Variants in TRPM3 observed in about 807,000 individuals in gnomAD.
TRPM3 encodes the protein long transient receptor potential channel 3.
Under a neutral mutation model 181.2 loss-of-function variants are expected in TRPM3, and 77 were observed. That is an observed-to-expected ratio of 0.42 (90% confidence interval 0.35 to 0.51). The LOEUF is 0.51. Among genes scored for constraint, TRPM3 ranks in the 20% least tolerant of loss-of-function variants. The probability of loss-of-function intolerance (pLI) is 0.01; values close to 1 mark genes in which losing one functional copy is unlikely to be tolerated. For synonymous variants in TRPM3, 745 were observed against 796.4 expected, an observed-to-expected ratio of 0.94 and a Z score of 1.09; for missense variants, 1,759 against 2,196.7, an observed-to-expected ratio of 0.80 and a Z score of 3.98.
chr9:71,036,806 G>A (rs889309434), intron 1 of TRPM3, among the ~76,000 whole-genome samples: 5 of 152,118 alleles, frequency 3.3e-5, no homozygotes, highest in African/African-American at 1.2e-4. Flanking sequence ...TGCACCTTTG[G>A]GATGTCAACT....
chr9:70,752,035 TGTGTGTGTGTGTGTGCGC>T (rs1338725459), intron 8 of TRPM3, among the ~76,000 whole-genome samples: 47 of 116,316 alleles, frequency 4.0e-4, no homozygotes, highest in African/African-American at 1.2e-3. Context: ...TGTGTGTGTG[TGTGTGTGTGTGTGTGCGC>T]GCGCGCGCGC....
chr9:71,416,779 C>A (rs1182955459), intron 1 of TRPM3, among the ~76,000 whole-genome samples: 3 of 151,906 alleles, frequency 2.0e-5, no homozygotes, highest in Non-Finnish European at 4.4e-5. Flanking sequence ...AAAACTACCA[C>A]CATAAGATAC....
chr9:70,775,335 G>T (rs1349489564), intron 7 of TRPM3: 1 of 152,220 alleles, frequency 6.6e-6, no homozygotes, highest in Non-Finnish European at 1.5e-5. Flanking sequence ...AATGGGTAAA[G>T]AAATGCATTT....
chr9:70,558,498 T>G (rs565848630), intron 22 of TRPM3, among the ~76,000 whole-genome samples: 1 of 152,262 alleles, frequency 6.6e-6, no homozygotes, highest in South Asian at 2.1e-4. Flanking sequence ...ATACCAAGGT[T>G]GAATTATTGC....
intron 1 of TRPM3, among the ~76,000 whole-genome samples, chr9:71,133,422 C>T (rs1327795005): frequency 6.6e-6 from 1 of 150,690 alleles, no homozygotes; most frequent in South Asian, 2.1e-4. Flanking sequence ...AGCCTCCCCT[C>T]CCGAGTAGCT....
At chr9:71,136,228 C>T (rs1309508689) in intron 1 of TRPM3, among the ~76,000 whole-genome samples, 1 of 152,196 alleles carries the variant, frequency 6.6e-6, no homozygotes, top group African/African-American at 2.4e-5. Context: ...CTTAGATAAG[C>T]TGAAAACATC....
At chr9:70,847,867 C>T (rs934151323) in intron 3 of TRPM3, among the ~76,000 whole-genome samples, 1 of 152,172 alleles carries the variant, frequency 6.6e-6, no homozygotes, top group Non-Finnish European at 1.5e-5. Context: ...TCTGGCTGGA[C>T]GATGGTTCCA....
intron 9 of TRPM3, among the ~76,000 whole-genome samples, chr9:70,674,870 T>C (rs1201121434): frequency 1.3e-5 from 2 of 151,602 alleles, no homozygotes; most frequent in African/African-American, 2.4e-5. Context: ...CCAGCATATA[T>C]ATGAAATTTT....
chr9:71,127,221 G>A lies in TRPM3; in HGVS notation c.184-262710C>T, dbSNP rs150342185. Reference sequence around the variant, plus strand: ...TGAGGGGAAACTCACTAATAATTTAGCTTCTTTTTAAACATTGTTTCCTAA... The same window carrying A: ...TGAGGGGAAACTCACTAATAATTTAACTTCTTTTTAAACATTGTTTCCTAA... On this transcript the variant is annotated intron_variant, in intron 1 of 24. Coordinates refer to the TRPM3 transcript ENST00000357533. 1.5e-3 allele frequency among the ~76,000 whole-genome samples: 228 copies of A among 150,638 alleles called. 1 individual carries two copies. The highest frequency in any genetic ancestry group is 2.8e-3 in the Non-Finnish European group (187 of 67,814).
At chr9:71,438,637 C>T (rs936186345) in intron 1 of TRPM3, among the ~76,000 whole-genome samples, 8 of 152,180 alleles carry the variant, frequency 5.3e-5, no homozygotes, top group Admixed American at 6.5e-5. Flanking sequence ...TGTGCCACTG[C>T]ACCCCAGCCT....
intron 1 of TRPM3, among the ~76,000 whole-genome samples, chr9:71,149,558 A>G (rs2075615413): frequency 6.6e-6 from 1 of 152,194 alleles, no homozygotes. Flanking sequence ...CTACCAAACT[A>G]TGCACAGGTA....
At chr9:70,794,572 G>A (rs941015709) in intron 6 of TRPM3, among the ~76,000 whole-genome samples, 2 of 152,126 alleles carry the variant, frequency 1.3e-5, no homozygotes, top group Non-Finnish European at 2.9e-5. Flanking sequence ...TCTCTCGGAG[G>A]AGGCTTTTCC....
At chr9:71,420,543 AAAAGAGAAAG>A (rs1410574199) in intron 1 of TRPM3, among the ~76,000 whole-genome samples, 56 of 151,338 alleles carry the variant, frequency 3.7e-4, no homozygotes, top group Middle Eastern at 3.4e-3. Flanking sequence ...GAAAGAAAGA[AAAAGAGAAAG>A]AAAGAGAAAG....
At chr9:71,247,052 T>C (rs1431498864) in intron 1 of TRPM3, among the ~76,000 whole-genome samples, 1 of 152,074 alleles carries the variant, frequency 6.6e-6, no homozygotes, top group Non-Finnish European at 1.5e-5. Flanking sequence ...ACAGTGGCAG[T>C]GGAGAGGGAT....
intron 1 of TRPM3, among the ~76,000 whole-genome samples, chr9:70,893,151 G>A (rs761255131): frequency 3.3e-5 from 5 of 152,076 alleles, no homozygotes; most frequent in Non-Finnish European, 4.4e-5. Flanking sequence ...CATTTTCTGC[G>A]ACACCAATAA....
intron 14 of TRPM3, among the ~76,000 whole-genome samples, chr9:70,621,808 A>G (rs2063680805): frequency 6.6e-6 from 1 of 152,240 alleles, no homozygotes; most frequent in Non-Finnish European, 1.5e-5. Flanking sequence ...CGGTGATTTT[A>G]ATGAATCTAC....
rs2046205304 is a variant in TRPM3, at chr9:70,550,452, A to G, written c.3575-778T>C. ...GCCATTGTTGAGCTCTGGGCTCTTC[A>G]TTTTTTGTTAAGTGAGAAAAATAAA... On this transcript the variant is annotated intron_variant, in intron 24 of 25. Coordinates refer to ENST00000677713, the MANE Select transcript of TRPM3 (RefSeq NM_001366145.2). Among the ~76,000 whole-genome samples the G allele has an allele frequency of 1.3e-5, 2 of 152,254 alleles. 1 individual carries two copies. The highest frequency in any genetic ancestry group is 6.8e-3 in the Middle Eastern group (2 of 294).
intron 1 of TRPM3, among the ~76,000 whole-genome samples, chr9:70,985,684 C>G (rs1184246897): frequency 6.6e-6 from 1 of 152,180 alleles, no homozygotes; most frequent in Non-Finnish European, 1.5e-5. Context: ...TGTGCCAGCA[C>G]TGTGCTGGGC....
chr9:70,670,791 G>A (rs1035862375), intron 9 of TRPM3, among the ~76,000 whole-genome samples: 2 of 152,134 alleles, frequency 1.3e-5, no homozygotes, highest in African/African-American at 2.4e-5. Context: ...TAGAGTGTCC[G>A]CCCTTAAAGA....
Sources: gnomAD v4.1 joint callset for allele counts (sites outside exome capture counted in the v4.1 genomes callset) on GRCh38, gnomAD v4.1.1 for gene constraint, MANE v1.5 for transcripts, NCBI Gene and HGNC (gene_info 2026-07-23, HGNC 2026-07-21) for gene names.